Variants in CEBPZOS observed in about 807,000 individuals in gnomAD.
The protein encoded by CEBPZOS is CEBPZ opposite strand, also known as protein CEBPZOS.
CEBPZOS carries 10 observed loss-of-function variants against 4.8 expected under a neutral mutation model. The ratio of observed to expected loss-of-function variants is 2.07; its 90% CI spans 1.28 to 3.52. The LOEUF is 3.52. Among genes scored for constraint, CEBPZOS ranks in the 30% most tolerant of loss-of-function variants. CEBPZOS has a pLI of 0.00. For missense variants in CEBPZOS, 98 were observed against 43.6 expected (o/e 2.25, Z -3.51); for synonymous variants, 25 against 14.2 (o/e 1.77, Z -1.72).
downstream of CEBPZOS, chr2:37,214,988 A>G (rs969047021): frequency 7.6e-7 from 1 of 1,309,922 alleles, no homozygotes; most frequent in Non-Finnish European, 1.1e-6. Flanking sequence ...AACTTCATAT[A>G]GCAATCCCCT....
intron 2 of CEBPZOS, among the ~76,000 whole-genome samples, chr2:37,200,431 A>G (rs1414693809): frequency 6.6e-6 from 1 of 152,204 alleles, no homozygotes; most frequent in Non-Finnish European, 1.5e-5. Context: ...CGCTGTACCA[A>G]GATGCTACTG....
downstream of CEBPZOS, among the ~76,000 whole-genome samples, chr2:37,205,460 A>AC (rs1484924486): frequency 7.9e-5 from 12 of 151,948 alleles, no homozygotes; most frequent in African/African-American, 2.9e-4. Flanking sequence ...GCAGAGAACA[A>AC]CCCCCTTTGA....
intron 2 of CEBPZOS, 47 bp from the exon 3 acceptor site, chr2:37,201,001 T>G: frequency 2.8e-6 from 2 of 710,796 alleles, no homozygotes; most frequent in Non-Finnish European, 5.2e-6. Flanking sequence ...GTTAATATAA[T>G]GAATTTCTGT....
At chr2:37,215,106 ATC>A (rs889092164), downstream of CEBPZOS, among the ~76,000 whole-genome samples, 30 of 152,222 alleles carry the variant, frequency 2.0e-4, no homozygotes, top group Admixed American at 1.6e-3. Context: ...GCAAGGGACA[ATC>A]TCTGAAAAAG....
At position 37,199,724 on chromosome 2, in the gene CEBPZOS, C is replaced by T; in HGVS notation, c.20C>T (p.Pro7Leu). The T allele has an allele frequency of 2.8e-6, 2 of 717,438 alleles. No individual in the cohort carries two copies. The highest frequency in any genetic ancestry group is 5.2e-6 in the Non-Finnish European group (2 of 385,052). 44.4% of individuals were successfully genotyped at this position (717,438 alleles called of 1,614,324 possible). A position where few individuals can be genotyped will look rare whatever the true frequency, so the allele number is the denominator to read the frequency against. MARTLE[P>L]LAKKIFKGVL... ...TTTAGGATGGCCCGTACTTTGGAAC[C>T]ACTAGCAAAGAAGATCTTTAAAGGA... The change falls in exon 2 of 5, where the codon CCA (proline) becomes CTA (leucine). Residue 7 changes from proline to leucine, a missense_variant. Coordinates refer to ENST00000402297, the MANE Select transcript of CEBPZOS (RefSeq NM_001322374.2).
chr2:37,199,404 T>G (rs76460605), intron 1 of CEBPZOS, among the ~76,000 whole-genome samples: 324 of 152,368 alleles, frequency 2.1e-3, no homozygotes, highest in African/African-American at 7.0e-3. Context: ...CATTCTGTTT[T>G]CCTACACAAT....
In CEBPZOS at chr2:37,210,861, C is replaced by T. The variant is rs1294707950; in HGVS notation, c.*3-2576C>T. ...TTCAAAATGTGGAAAATAATTTCCACTTAACATCTTTCTTAAAAAGAACCC... is the reference window on the plus strand; with the variant it reads ...TTCAAAATGTGGAAAATAATTTCCATTTAACATCTTTCTTAAAAAGAACCC... On this transcript the variant is annotated intron_variant, in intron 4 of 4. Transcript: ENST00000397064. 6.1e-6 allele frequency: 3 copies of T among 493,506 alleles called. No homozygotes were observed. The Admixed American group carries it at 1.2e-4, about 19-fold the overall frequency. The allele number at this position is 493,506 out of a possible 1,614,324, so 30.6% of individuals were successfully genotyped here.
At chr2:37,204,903 T>C (rs1418878970), downstream of CEBPZOS, among the ~76,000 whole-genome samples, 1 of 152,130 alleles carries the variant, frequency 6.6e-6, no homozygotes, top group African/African-American at 2.4e-5. Context: ...CATTAAAAAA[T>C]TTTTTTCTTC....
At chr2:37,211,801 TGAG>T in intron 4 of CEBPZOS, 1 of 1,417,764 alleles carries the variant, frequency 7.1e-7, no homozygotes, top group South Asian at 1.4e-5. Context: ...GCTAAGGAAG[TGAG>T]GAAGACACAG....
At chr2:37,206,087 C>T (rs542994838), downstream of CEBPZOS, among the ~76,000 whole-genome samples, 3 of 152,288 alleles carry the variant, frequency 2.0e-5, no homozygotes, top group African/African-American at 4.8e-5. Flanking sequence ...GAGTGGGCAC[C>T]ATCCAATCTG....
downstream of CEBPZOS, among the ~76,000 whole-genome samples, chr2:37,205,630 G>A (rs554600822): frequency 2.9e-4 from 44 of 152,232 alleles, no homozygotes; most frequent in Non-Finnish European, 4.7e-4. Context: ...ATACAGACGC[G>A]CATGAAACTT....
rs1677244250 is a variant in CEBPZOS at position 37,201,686 on chromosome 2, G to A, written c.205G>A (p.Glu69Lys). 3.5e-6 allele frequency: 3 copies of A among 865,366 alleles called. No homozygotes were observed. Among genetic ancestry groups the A allele is most frequent in the Non-Finnish European group, 5.8e-6 (3 of 520,226 alleles). The allele number at this position is 865,366 out of a possible 1,614,324, so 53.6% of individuals were successfully genotyped here. A position where few individuals can be genotyped will look rare whatever the true frequency, so the allele number is the denominator to read the frequency against. The change falls in exon 4 of 5, where the codon GAG becomes AAG. Residue 69 changes from glutamate to lysine, a missense_variant. Transcript: ENST00000402297. ...GAAGTCTGGAATGTATGGAATCAGA[G>A]AGCTAGATCAAAAAACATGGTTGAA... The part of the protein sequence containing the change: ...TEKSGMYGIR[E>K]LDQKTWLNSK...
At chr2:37,207,116 T>C (rs1558467983), downstream of CEBPZOS, among the ~76,000 whole-genome samples, 1 of 152,154 alleles carries the variant, frequency 6.6e-6, no homozygotes, top group South Asian at 2.1e-4. Flanking sequence ...ATCCAAAATA[T>C]ATATGCACCT....
At chr2:37,205,050 G>A (rs543093068), downstream of CEBPZOS, among the ~76,000 whole-genome samples, 33 of 152,274 alleles carry the variant, frequency 2.2e-4, no homozygotes, top group Non-Finnish European at 4.6e-4. Context: ...CATGATCTTA[G>A]ATACTCAAGG....
At chr2:37,207,775 CCAG>C (rs1677587736), downstream of CEBPZOS, among the ~76,000 whole-genome samples, 1 of 152,006 alleles carries the variant, frequency 6.6e-6, no homozygotes, top group African/African-American at 2.4e-5. Context: ...AAACTCAAAC[CCAG>C]CAGAAGAAAA....
chr2:37,200,670 A>G (rs1677177783), intron 2 of CEBPZOS, among the ~76,000 whole-genome samples: 1 of 152,074 alleles, frequency 6.6e-6, no homozygotes, highest in African/African-American at 2.4e-5. Context: ...AGAAAAAAAA[A>G]AAAAGTGCTG....
At chr2:37,207,635 G>A (rs567112613), downstream of CEBPZOS, among the ~76,000 whole-genome samples, 1 of 152,214 alleles carries the variant, frequency 6.6e-6, no homozygotes, top group South Asian at 2.1e-4. Context: ...CAAAACCTCT[G>A]GGATACAGCA....
chr2:37,211,154 G>A, intron 4 of CEBPZOS: 5 of 1,007,776 alleles, frequency 5.0e-6, no homozygotes, highest in Non-Finnish European at 7.5e-6. Context: ...TCCAAGATAT[G>A]CTAAAATCTT....
intron 2 of CEBPZOS, among the ~76,000 whole-genome samples, chr2:37,200,759 C>T (rs1225510090): frequency 4.6e-5 from 7 of 152,200 alleles, no homozygotes; most frequent in African/African-American, 1.4e-4. Context: ...ATCCCAGCTA[C>T]TTGACCTTGG....
Sources: gnomAD v4.1 joint callset for allele counts (sites outside exome capture counted in the v4.1 genomes callset) on GRCh38, gnomAD v4.1.1 for gene constraint, MANE v1.5 for transcripts, NCBI Gene and HGNC (gene_info 2026-07-23, HGNC 2026-07-21) for gene names.